Variants in CFAP54 observed in about 807,000 individuals in gnomAD.
CFAP54 encodes cilia and flagella associated protein 54.
CFAP54 carries 290 observed loss-of-function variants against 370.4 expected under a neutral mutation model. The ratio of observed to expected loss-of-function variants is 0.78; its 90% CI spans 0.71 to 0.86. The LOEUF (loss-of-function observed/expected upper bound fraction) is 0.86, where lower values mean the gene tolerates loss of function less well. Ranked by LOEUF, CFAP54 falls within the 40% of genes least tolerant of loss-of-function variation. The probability of loss-of-function intolerance (pLI) is 0.00; values close to 1 mark genes in which losing one functional copy is unlikely to be tolerated. For missense variants in CFAP54, 3,399 were observed against 3,528.7 expected, an observed-to-expected ratio of 0.96 and a Z score of 0.93; for synonymous variants, 1,206 against 1,236.5, an observed-to-expected ratio of 0.98 and a Z score of 0.52.
chr12:96,618,478 C>T lies in CFAP54; in HGVS notation c.3640-3112C>T, dbSNP rs191024631. Among the ~76,000 whole-genome samples, 457 of 152,242 alleles carry T rather than the reference C, an allele frequency of 3.0e-3. 4 individuals are homozygous for T. Among genetic ancestry groups the T allele is most frequent in the African/African-American group, 0.01 (418 of 41,538 alleles). On this transcript the variant is annotated intron_variant, in intron 26 of 67. Coordinates refer to ENST00000524981, the MANE Select transcript of CFAP54 (RefSeq NM_001306084.2). ...AAGGAGGGAAGGGTGGTTGTAGTTACAGACGTGTGATGATAGGTTTGTGGA... is the reference window on the plus strand; with the variant it reads ...AAGGAGGGAAGGGTGGTTGTAGTTATAGACGTGTGATGATAGGTTTGTGGA...
chr12:96,777,349 CT>C (rs200690074), intron 60 of CFAP54, among the ~76,000 whole-genome samples: 1,842 of 143,278 alleles, frequency 0.013, 51 homozygotes, highest in East Asian at 0.1. Context: ...CAAGGATATT[CT>C]TTTTTTTTTT....
chr12:96,716,737 A>T (rs987789306), intron 48 of CFAP54, among the ~76,000 whole-genome samples: 1 of 152,234 alleles, frequency 6.6e-6, no homozygotes. Context: ...ATAGGGTGGC[A>T]CATGAGCCCT....
chr12:96,503,829 A>G (rs1955059218), intron 2 of CFAP54, 57 bp from the exon 3 acceptor site: 2 of 1,315,570 alleles, frequency 1.5e-6, no homozygotes, highest in African/African-American at 1.5e-5. Flanking sequence ...ATATTACCTA[A>G]TAATGATAAG....
intron 65 of CFAP54, among the ~76,000 whole-genome samples, chr12:96,825,431 T>TATATAATATATGTTATATTATATATA (rs1236755844): frequency 3.4e-5 from 4 of 118,228 alleles, no homozygotes; most frequent in African/African-American, 1.4e-4. Context: ...TGTTATATTA[T>TATATAATATATGTTATATTATATATA]ATATAATATA....
chr12:96,506,817 C>T, intron 3 of CFAP54, 111 bp from the exon 4 acceptor site: 1 of 843,004 alleles, frequency 1.2e-6, no homozygotes, highest in Non-Finnish European at 1.8e-6. Context: ...AAACTCCTGA[C>T]CTCAGGTGAT....
intron 67 of CFAP54, among the ~76,000 whole-genome samples, chr12:96,865,269 A>G (rs527369570): frequency 1.2e-3 from 180 of 152,340 alleles, no homozygotes; most frequent in African/African-American, 4.1e-3. Flanking sequence ...AAATAAGTAA[A>G]TAATGAATAA....
chr12:96,627,999 C>T (rs772234606), intron 30 of CFAP54, among the ~76,000 whole-genome samples: 4 of 152,166 alleles, frequency 2.6e-5, no homozygotes, highest in African/African-American at 4.8e-5. Flanking sequence ...TAAATACTGA[C>T]TATTATGTTA....
chr12:96,774,913 G>A (rs963173690), intron 60 of CFAP54, among the ~76,000 whole-genome samples: 1 of 152,032 alleles, frequency 6.6e-6, no homozygotes. Context: ...GGCTACTGAT[G>A]CCACTATATT....
intron 60 of CFAP54, among the ~76,000 whole-genome samples, chr12:96,773,946 G>C (rs1025504132): frequency 6.6e-6 from 1 of 152,090 alleles, no homozygotes; most frequent in African/African-American, 2.4e-5. Context: ...TTCTAAAAAG[G>C]TTATGCCACT....
At chr12:96,495,559 G>T (rs970090960) in intron 1 of CFAP54, among the ~76,000 whole-genome samples, 2 of 151,082 alleles carry the variant, frequency 1.3e-5, no homozygotes, top group African/African-American at 2.4e-5. Context: ...GACCTCAAGC[G>T]ATCTGCCCAC....
intron 60 of CFAP54, among the ~76,000 whole-genome samples, chr12:96,768,178 G>T (rs928721703): frequency 6.6e-6 from 1 of 151,918 alleles, no homozygotes; most frequent in Admixed American, 6.6e-5. Flanking sequence ...AAAATTAGCC[G>T]GGTGTGCTGC....
At chr12:96,610,566 G>A (rs1265341685) in intron 26 of CFAP54, among the ~76,000 whole-genome samples, 4 of 152,206 alleles carry the variant, frequency 2.6e-5, no homozygotes, top group Non-Finnish European at 5.9e-5. Context: ...AGCCCACTGA[G>A]CGTGAGCCGA....
At chr12:96,599,519 T>C (rs1467937348) in intron 26 of CFAP54, among the ~76,000 whole-genome samples, 4 of 152,214 alleles carry the variant, frequency 2.6e-5, no homozygotes, top group Non-Finnish European at 5.9e-5. Flanking sequence ...TTTGGATATA[T>C]ACCCAATAAT....
intron 3 of CFAP54, among the ~76,000 whole-genome samples, chr12:96,504,992 CTTTT>C (rs374527151): frequency 4.4e-5 from 6 of 137,668 alleles, no homozygotes; most frequent in African/African-American, 1.3e-4. Context: ...TTTCTTCTTT[CTTTT>C]TCTTTCTTTC....
chr12:96,536,678 G>C (rs148546490), intron 12 of CFAP54, among the ~76,000 whole-genome samples: 273 of 147,556 alleles, frequency 1.9e-3, no homozygotes, highest in African/African-American at 6.5e-3. Flanking sequence ...CCATGCTGGA[G>C]TGCAGTGGTG....
At chr12:96,533,669 A>T in intron 9 of CFAP54, 123 bp from the exon 10 acceptor site, 1 of 758,854 alleles carries the variant, frequency 1.3e-6, no homozygotes, top group Non-Finnish European at 1.9e-6. Flanking sequence ...TTCCCCCACT[A>T]GAACGTAAAT....
In CFAP54 at chr12:96,756,501, T is replaced by C; in HGVS notation, c.7884T>C (p.Ser2628=). ...RQILMEEKSP[S]FQLESLYEAI... ...TACTAATGGAAGAGAAATCTCCAAG[T>C]TTTCAACTTGAGAGTTTATATGAAG... is the stretch of plus-strand genomic sequence containing the variant. Residue 2628 remains serine (S), a synonymous_variant, in exon 57 of 68, where the codon AGT becomes AGC. Transcript: ENST00000524981. 2 of 1,604,156 alleles carry C rather than the reference T, an allele frequency of 1.2e-6. No homozygotes were observed. Among genetic ancestry groups the C allele is most frequent in the Non-Finnish European group, 1.7e-6 (2 of 1,176,888 alleles).
chr12:96,693,776 A>G lies in CFAP54; in HGVS notation c.6319A>G (p.Ile2107Val). 1 of 1,599,620 alleles carries G rather than the reference A, an allele frequency of 6.3e-7. No homozygotes were observed. Among genetic ancestry groups the G allele is most frequent in the Non-Finnish European group, 8.6e-7 (1 of 1,168,286 alleles). The change falls in exon 45 of 68, where the codon ATA becomes GTA. Residue 2107 changes from isoleucine (I) to valine (V), a missense_variant. Ile to Val is a conservative substitution (Grantham distance 29). Transcript: ENST00000524981. ...QYFVSGICQD[I>V]TRNLEARILK... is the part of the protein sequence containing the mutation. ...TTTTGTTTCTGGAATTTGTCAAGAC[A>G]TAACAAGAAATCTAGAAGCAAGAAT...
At position 96,537,588 on chromosome 12, in the gene CFAP54, C is replaced by T. The variant is rs564263649; in HGVS notation, c.1792-796C>T. Among the ~76,000 whole-genome samples, 71 of 152,192 alleles carry T rather than the reference C, an allele frequency of 4.7e-4. 1 individual carries two copies. The South Asian group carries it at 7.5e-3, about 16-fold the overall frequency. ...AACTCCTGACCTCAGGTGATCCACCCGCCTTGGCCTCCCAAAGTGCTGGGA... is the reference window on the plus strand; with the variant it reads ...AACTCCTGACCTCAGGTGATCCACCTGCCTTGGCCTCCCAAAGTGCTGGGA... On this transcript the variant is annotated intron_variant, in intron 12 of 67. Transcript: ENST00000524981.
Sources: gnomAD v4.1 joint callset for allele counts (sites outside exome capture counted in the v4.1 genomes callset) on GRCh38, gnomAD v4.1.1 for gene constraint, MANE v1.5 for transcripts, NCBI Gene and HGNC (gene_info 2026-07-23, HGNC 2026-07-21) for gene names.